Variants in CRACR2A observed in about 807,000 individuals in gnomAD.
CRACR2A encodes the protein calcium release activated channel regulator 2A, also known as EF-hand calcium-binding domain-containing protein 4B.
In CRACR2A, 79 loss-of-function variants were observed where a neutral mutation model predicts 90.5. The ratio of observed to expected loss-of-function variants is 0.87; its 90% confidence interval spans 0.73 to 1.05. CRACR2A has a LOEUF of 1.05. Among genes scored for constraint, CRACR2A ranks in the 50% least tolerant of loss-of-function variants. The pLI, the probability that CRACR2A is intolerant of heterozygous loss-of-function variation, is 0.00. For missense variants in CRACR2A, 823 were observed against 897.2 expected (o/e 0.92, Z 1.06); for synonymous variants, 338 against 356.7 (o/e 0.95, Z 0.59).
chr12:3,739,930 CAA>C (rs11406842), intron 1 of CRACR2A, among the ~76,000 whole-genome samples: 2 of 144,308 alleles, frequency 1.4e-5, no homozygotes, highest in African/African-American at 5.1e-5. Context: ...GACTCCGTCT[CAA>C]AAAAAAAAAA....
chr12:3,682,568 G>C (rs1293712287), intron 4 of CRACR2A, among the ~76,000 whole-genome samples: 1 of 152,164 alleles, frequency 6.6e-6, no homozygotes, highest in Non-Finnish European at 1.5e-5. Flanking sequence ...TCAGCGCTGA[G>C]TGCTTCTTCA....
At chr12:3,679,467 C>T (rs1230642288) in intron 5 of CRACR2A, among the ~76,000 whole-genome samples, 2 of 152,156 alleles carry the variant, frequency 1.3e-5, no homozygotes, top group African/African-American at 4.8e-5. Flanking sequence ...GCAGAGGCTC[C>T]TATTGTCATC....
rs1173862635 is a variant in CRACR2A at position 3,696,945 on chromosome 12, A to C, written c.55T>G (p.Ser19Ala). Residue 19 changes from serine to alanine, a missense_variant, in exon 4 of 20, where the codon TCT becomes GCT. Coordinates refer to ENST00000440314, the MANE Select transcript of CRACR2A (RefSeq NM_001144958.2). ...CCACTCCCCTTTGGCCCCTGGCCAG[A>C]CCCCTGACCAAGTCTCTGGGGTCTG... ...VSRPQRLGQG[S>A]GQGPKGSGAC... 2 of 1,613,842 alleles carry C rather than the reference A, an allele frequency of 1.2e-6. No homozygotes were observed. Among genetic ancestry groups the C allele is most frequent in the Non-Finnish European group, 1.7e-6 (2 of 1,179,946 alleles).
intron 11 of CRACR2A, among the ~76,000 whole-genome samples, chr12:3,645,398 G>GCCCA (rs1944665524): frequency 6.6e-6 from 1 of 152,182 alleles, no homozygotes; most frequent in African/African-American, 2.4e-5. Flanking sequence ...GTTAGGAGAT[G>GCCCA]AAGCGAGAGA....
At position 3,654,522 on chromosome 12, in the gene CRACR2A, G is replaced by A. The variant is rs12318855; in HGVS notation, c.859-123C>T. Reference sequence around the variant, plus strand: ...GAACCGTCACTGCCACCCCTCACTGGCCTCAAGCCTAAATCAGCATTGTCC... The same window carrying A: ...GAACCGTCACTGCCACCCCTCACTGACCTCAAGCCTAAATCAGCATTGTCC... On this transcript the variant is annotated intron_variant, in intron 9 of 19. Transcript: ENST00000440314. 0.011 allele frequency: 10,017 copies of A among 897,226 alleles called. 724 individuals are homozygous for A. The African/African-American group carries it at 0.15, about 13-fold the overall frequency. 55.6% of individuals were successfully genotyped at this position (897,226 alleles called of 1,614,324 possible).
intron 11 of CRACR2A, among the ~76,000 whole-genome samples, chr12:3,646,821 T>C (rs907622770): frequency 6.6e-6 from 1 of 152,170 alleles, no homozygotes; most frequent in Admixed American, 6.5e-5. Flanking sequence ...TATGGGGATG[T>C]AGCCATCCCC....
chr12:3,666,330 C>CGTGTGGGTGTGTGT, intron 7 of CRACR2A, among the ~76,000 whole-genome samples: 1 of 139,674 alleles, frequency 7.2e-6, no homozygotes, highest in South Asian at 2.2e-4. Context: ...AGGACGGCTG[C>CGTGTGGGTGTGTGT]GTGTGTGTGT....
chr12:3,629,721 G>C (rs1186799805), intron 15 of CRACR2A, among the ~76,000 whole-genome samples: 1 of 152,138 alleles, frequency 6.6e-6, no homozygotes, highest in Admixed American at 6.5e-5. Context: ...TCTGTGCTGT[G>C]GTGAGCTTGG....
chr12:3,667,938 T>C (rs1341722660), intron 7 of CRACR2A, among the ~76,000 whole-genome samples: 1 of 152,230 alleles, frequency 6.6e-6, no homozygotes, highest in South Asian at 2.1e-4. Flanking sequence ...GGCTGTGAAA[T>C]TGCCGATTGG....
intron 4 of CRACR2A, among the ~76,000 whole-genome samples, chr12:3,686,268 A>G (rs1465964715): frequency 6.6e-6 from 1 of 152,258 alleles, no homozygotes; most frequent in Non-Finnish European, 1.5e-5. Context: ...TTTGTGGACC[A>G]TTCGGTCTTT....
At position 3,718,506 on chromosome 12, in the gene CRACR2A, G is replaced by A. The variant is rs117141662; in HGVS notation, c.-117-5189C>T. Among the ~76,000 whole-genome samples the A allele has an allele frequency of 5.9e-3, 897 of 152,302 alleles. 4 individuals are homozygous for A. Among genetic ancestry groups the A allele is most frequent in the Middle Eastern group, 0.01 (3 of 294 alleles). ...ACAGTAGCCACAAGCCACATATGAA[G>A]GTGAGCACTTGAACTGTGGACAGTC... On this transcript the variant is annotated intron_variant, in intron 2 of 19. Transcript: ENST00000440314.
intron 9 of CRACR2A, among the ~76,000 whole-genome samples, chr12:3,655,585 T>A (rs542963176): frequency 3.9e-5 from 6 of 152,192 alleles, no homozygotes; most frequent in Non-Finnish European, 5.9e-5. Context: ...CCCTAGCCTG[T>A]CTCCCTCAGG....
chr12:3,706,481 A>G lies in CRACR2A; in HGVS notation c.-37+6756T>C, dbSNP rs963479685. On this transcript the variant is annotated intron_variant, in intron 3 of 19. Coordinates refer to ENST00000440314, the MANE Select transcript of CRACR2A (RefSeq NM_001144958.2). The stretch of plus-strand genomic sequence containing the variant: ...TCCTGCTGTGGTGGATAAGAACATA[A>G]ATTCCAAGGCCAGAGTGCCTGAGTT... 5.3e-5 allele frequency among the ~76,000 whole-genome samples: 8 copies of G among 152,220 alleles called. No individual in the cohort carries two copies. In the East Asian group the frequency reaches 1.5e-3, roughly 29 times the overall value.
In CRACR2A at chr12:3,642,225, CTAT is replaced by C. The variant is rs1565470141; in HGVS notation, c.1165-390_1165-388del. On this transcript the variant is annotated intron_variant, in intron 12 of 19. Coordinates refer to ENST00000440314, the MANE Select transcript of CRACR2A (RefSeq NM_001144958.2). ...ACTTATCTCTTCTGAAAAAATATAT[CTAT>C]ATTTTTGAAACAGGGTCTTGCTCTG... 6.5e-5 allele frequency among the ~76,000 whole-genome samples: 3 copies of C among 46,470 alleles called. No homozygotes were observed. The South Asian group carries it at 2.1e-3, about 32-fold the overall frequency. 30.5% of individuals were successfully genotyped at this position (46,470 alleles called of 152,430 possible).
At chr12:3,748,900 A>AC (rs1270883586) in intron 1 of CRACR2A, among the ~76,000 whole-genome samples, 1 of 151,994 alleles carries the variant, frequency 6.6e-6, no homozygotes, top group Non-Finnish European at 1.5e-5. Context: ...GGGAAAACAG[A>AC]CCCCAAAGGT....
At position 3,633,760 on chromosome 12, in the gene CRACR2A, CA is replaced by C. The variant is rs1944414774; in HGVS notation, c.1603-25del. The C allele has an allele frequency of 1.3e-6, 2 of 1,551,378 alleles. No homozygotes were observed. The highest frequency in any genetic ancestry group is 1.7e-6 in the Non-Finnish European group (2 of 1,146,946). ...TCCTGTGGATGGCACACAATCTGAC[CA>C]ACTGCAGGGAATAGTCTTGCCAGCC... On this transcript the variant is annotated intron_variant, in intron 14 of 19. Coordinates refer to ENST00000440314, the MANE Select transcript of CRACR2A (RefSeq NM_001144958.2). The surrounding 1 kb of genome is among the most constrained non-coding windows in gnomAD (Gnocchi z 4.5).
chr12:3,664,791 G>A (rs547146446), intron 7 of CRACR2A, among the ~76,000 whole-genome samples: 46 of 152,140 alleles, frequency 3.0e-4, no homozygotes, highest in African/African-American at 1.0e-3. Flanking sequence ...CAGATCACCT[G>A]AGGTCAGGAG....
At chr12:3,723,024 A>G (rs904867043) in intron 2 of CRACR2A, among the ~76,000 whole-genome samples, 1 of 152,208 alleles carries the variant, frequency 6.6e-6, no homozygotes, top group Admixed American at 6.5e-5. Flanking sequence ...CCAAAACTGT[A>G]TGTTCTCAGG....
intron 2 of CRACR2A, among the ~76,000 whole-genome samples, chr12:3,717,961 CTT>C (rs1340141568): frequency 2.6e-5 from 4 of 152,200 alleles, no homozygotes; most frequent in African/African-American, 9.7e-5. Context: ...CTCACTCTGT[CTT>C]AAGAACACTA....
Sources: gnomAD v4.1 joint callset for allele counts (sites outside exome capture counted in the v4.1 genomes callset) on GRCh38, gnomAD v4.1.1 for gene constraint, Gnocchi (gnomAD v3.1) non-coding constraint, MANE v1.5 for transcripts, NCBI Gene and HGNC (gene_info 2026-07-23, HGNC 2026-07-21) for gene names.